ANKRD22: variants seen among roughly 807,000 people sequenced by gnomAD.
ANKRD22 encodes ankyrin repeat domain-containing protein 22.
In ANKRD22, 24 loss-of-function variants were observed where a neutral mutation model predicts 25.7. The observed-to-expected ratio is 0.93, with a 90% CI of 0.68 to 1.31. The LOEUF is 1.31. ANKRD22 is among the 50% of genes most tolerant of loss of function. The pLI is 0.00. For synonymous variants in ANKRD22, 84 were observed against 84.3 expected, an observed-to-expected ratio of 1.00 and a Z score of 0.02; for missense variants, 214 against 227.1, an observed-to-expected ratio of 0.94 and a Z score of 0.37.
At chr10:88,842,025 G>A (rs1038576708) in intron 1 of ANKRD22, among the ~76,000 whole-genome samples, 5 of 152,068 alleles carry the variant, frequency 3.3e-5, no homozygotes, top group East Asian at 1.9e-4. Flanking sequence ...TATTCTTAAC[G>A]TAGAAGACAG....
intron 1 of ANKRD22, among the ~76,000 whole-genome samples, chr10:88,840,538 G>C (rs1462262842): frequency 6.6e-6 from 1 of 152,090 alleles, no homozygotes; most frequent in Non-Finnish European, 1.5e-5. Flanking sequence ...AGACTGTGTA[G>C]AACTTTGCCT....
intron 4 of ANKRD22, 74 bp from the exon 5 acceptor site, chr10:88,823,452 C>A: frequency 9.3e-7 from 1 of 1,076,274 alleles, no homozygotes; most frequent in Non-Finnish European, 1.4e-6. Context: ...GCTTCATTGG[C>A]AAATCCTTTT....
Position 88,851,591 on chromosome 10 carries a change from G to A in ANKRD22, c.17C>T (p.Ser6Phe), listed in dbSNP as rs1844105274. ...GCTTTCAGAAAGGTGATGTACCTCAGAGTATAGGATTCCCATGCTGGTCCT... is the reference window on the plus strand; with the variant it reads ...GCTTTCAGAAAGGTGATGTACCTCAAAGTATAGGATTCCCATGCTGGTCCT... MGILY[S>F]EPICQAAYQN... The change falls in exon 1 of 6, where the codon TCT becomes TTT. Residue 6 changes from serine to phenylalanine, a missense_variant. Transcript: ENST00000371930. 1 of 1,613,320 alleles carries A rather than the reference G, an allele frequency of 6.2e-7. No individual in the cohort carries two copies. The highest frequency in any genetic ancestry group is 2.2e-5 in the East Asian group (1 of 44,880).
Position 88,820,407 on chromosome 10 carries a change from T to A in ANKRD22, c.*2534A>T. On this transcript the variant is annotated 3_prime_UTR_variant, in exon 6 of 6. Coordinates refer to ENST00000371930, the MANE Select transcript of ANKRD22 (RefSeq NM_144590.3). ...GCTCACGTGGATTTCATCTGGGGTT[T>A]GGATGCTCCTCACCGTATGTACAAT... 6.4e-7 allele frequency: 1 copy of A among 1,552,184 alleles called. No individual in the cohort carries two copies. Among genetic ancestry groups the A allele is most frequent in the Non-Finnish European group, 8.7e-7 (1 of 1,147,034 alleles).
rs79585556 is a variant in ANKRD22 at position 88,829,484 on chromosome 10, T to G, written c.214-818A>C. 0.016 allele frequency among the ~76,000 whole-genome samples: 2,426 copies of G among 152,364 alleles called. 104 individuals are homozygous for G. In the East Asian group the frequency reaches 0.17, roughly 11 times the overall value. ...TAGAATTTTAAATTGCCCATTATTA[T>G]ATTAAATGGTCCAGAGTTAACTGTT... On this transcript the variant is annotated intron_variant, in intron 2 of 5. Transcript: ENST00000371930.
At chr10:88,827,171 C>T (rs1843863044) in intron 3 of ANKRD22, among the ~76,000 whole-genome samples, 1 of 152,136 alleles carries the variant, frequency 6.6e-6, no homozygotes, top group Non-Finnish European at 1.5e-5. Context: ...CCTTAGGCTT[C>T]CCTCTTGTGT....
intron 2 of ANKRD22, among the ~76,000 whole-genome samples, chr10:88,829,267 G>A (rs564010336): frequency 6.6e-6 from 1 of 152,270 alleles, no homozygotes; most frequent in South Asian, 2.1e-4. Context: ...TAAATATAAG[G>A]CAAAACAGAA....
rs1272942256 is a variant in ANKRD22 at position 88,822,969 on chromosome 10, A to G, written c.548T>C (p.Ile183Thr). Residue 183 changes from isoleucine (I) to threonine (T), a missense_variant, in exon 6 of 6, where the codon ATT (isoleucine) becomes ACT (threonine). Physicochemically the swap from Ile to Thr is moderately conservative, Grantham distance 89. Transcript: ENST00000371930. ...DIARRLKFSQIELMLRKAL is the reference protein window; with the variant it reads ...DIARRLKFSQTELMLRKAL ...CAATGCTTTCCTTAGCATTAATTCAATCTGGGAAAATTTTAATCTCCGTGC... is the reference window on the plus strand; with the variant it reads ...CAATGCTTTCCTTAGCATTAATTCAGTCTGGGAAAATTTTAATCTCCGTGC... 1 of 1,613,446 alleles carries G rather than the reference A, an allele frequency of 6.2e-7. No individual in the cohort carries two copies. Among genetic ancestry groups the G allele is most frequent in the Non-Finnish European group, 8.5e-7 (1 of 1,179,420 alleles).
At position 88,822,191 on chromosome 10, in the gene ANKRD22, AC is replaced by A. The variant is rs1233876587; in HGVS notation, c.*749del. Reference sequence around the variant, plus strand: ...TTTATGGAAAGTAAAAAACAAAAAAACAAAAACAAACTCTGATTTGTCAATT... The same window carrying A: ...TTTATGGAAAGTAAAAAACAAAAAAAAAAAACAAACTCTGATTTGTCAATT... On this transcript the variant is annotated 3_prime_UTR_variant, in exon 6 of 6. Transcript: ENST00000371930. 4 of 152,218 alleles carry A rather than the reference AC, an allele frequency of 2.6e-5. No homozygotes were observed. The highest frequency in any genetic ancestry group is 5.9e-5 in the Non-Finnish European group (4 of 68,050). 9.4% of individuals were successfully genotyped at this position (152,218 alleles called of 1,614,324 possible).
intron 3 of ANKRD22, among the ~76,000 whole-genome samples, chr10:88,826,417 T>C (rs906528459): frequency 1.3e-5 from 2 of 152,204 alleles, no homozygotes; most frequent in Admixed American, 6.5e-5. Flanking sequence ...TGTCTTTCCC[T>C]TCCTGGCTCA....
In ANKRD22 at chr10:88,848,172, G is replaced by GTATATATATATA. The variant is rs1395491199; in HGVS notation, c.21+3414_21+3415insTATATATATATA. ...CGTGTATATATATATATGTATATAT[G>GTATATATATATA]TGTATATATATATGTATATATGTAT... On this transcript the variant is annotated intron_variant, in intron 1 of 5. Coordinates refer to ENST00000371930, the MANE Select transcript of ANKRD22 (RefSeq NM_144590.3). 1.4e-3 allele frequency among the ~76,000 whole-genome samples: 188 copies of GTATATATATATA among 130,254 alleles called. 1 individual carries two copies. Among genetic ancestry groups the GTATATATATATA allele is most frequent in the Middle Eastern group, 3.9e-3 (1 of 254 alleles). 85.5% of individuals were successfully genotyped at this position (130,254 alleles called of 152,430 possible). A position where few individuals can be genotyped will look rare whatever the true frequency, so the allele number is the denominator to read the frequency against.
At chr10:88,838,659 A>C (rs898001785) in intron 1 of ANKRD22, among the ~76,000 whole-genome samples, 3 of 152,270 alleles carry the variant, frequency 2.0e-5, no homozygotes, top group Admixed American at 2.0e-4. Flanking sequence ...GACAGAAAGA[A>C]AGGGGAACTT....
intron 1 of ANKRD22, among the ~76,000 whole-genome samples, chr10:88,845,331 C>T (rs1244078847): frequency 6.6e-6 from 1 of 152,068 alleles, no homozygotes; most frequent in Non-Finnish European, 1.5e-5. Flanking sequence ...GTATCCTTTG[C>T]TATCTCTACA....
In ANKRD22 at chr10:88,822,133, C is replaced by T. The variant is rs895063670; in HGVS notation, c.*808G>A. ...AACCAAGATGGCTTTTATTTGTAAA[C>T]CGAAATCTCTAGTGGTATGCTGGTA... On this transcript the variant is annotated 3_prime_UTR_variant, in exon 6 of 6. Coordinates refer to ENST00000371930, the MANE Select transcript of ANKRD22 (RefSeq NM_144590.3). 4 of 152,038 alleles carry T rather than the reference C, an allele frequency of 2.6e-5. No individual in the cohort carries two copies. Among genetic ancestry groups the T allele is most frequent in the African/African-American group, 9.7e-5 (4 of 41,390 alleles). The allele number at this position is 152,038 out of a possible 1,614,324, so 9.4% of individuals were successfully genotyped here.
chr10:88,829,805 C>A (rs1205207858), intron 2 of ANKRD22, among the ~76,000 whole-genome samples: 1 of 152,150 alleles, frequency 6.6e-6, no homozygotes, highest in East Asian at 1.9e-4. Flanking sequence ...GAGACAGGAT[C>A]TTGCTTTGCC....
intron 1 of ANKRD22, among the ~76,000 whole-genome samples, chr10:88,844,422 T>G (rs1844029768): frequency 6.6e-6 from 1 of 152,142 alleles, no homozygotes; most frequent in African/African-American, 2.4e-5. Context: ...CCCAGTTAAT[T>G]AGTATGTAAA....
chr10:88,848,210 A>G (rs1444025013), intron 1 of ANKRD22, among the ~76,000 whole-genome samples: 2 of 148,422 alleles, frequency 1.3e-5, no homozygotes, highest in Non-Finnish European at 3.0e-5. Context: ...ATACATATAT[A>G]TATACATATA....
rs754062945 is a variant in ANKRD22 at position 88,823,375 on chromosome 10, C to T, written c.403G>A (p.Gly135Ser). 3.7e-6 allele frequency: 6 copies of T among 1,613,212 alleles called. No homozygotes were observed. The highest frequency in any genetic ancestry group is 1.3e-5 in the African/African-American group (1 of 74,848). Residue 135 changes from glycine (G) to serine (S), a missense_variant, in exon 5 of 6, where the codon GGC (glycine) becomes AGC (serine). Gly to Ser is a moderately conservative substitution (Grantham distance 56). Transcript: ENST00000371930. ...GVEVNATDCY[G>S]CTALHYACEM... The stretch of plus-strand genomic sequence containing the variant: ...CAGGCATAATGTAATGCGGTACAGC[C>T]ATACTGAAACACAAAGGGCCAAAAC...
At position 88,828,542 on chromosome 10, in the gene ANKRD22, A is replaced by G. The variant is rs368957579; in HGVS notation, c.321+17T>C. The G allele has an allele frequency of 2.3e-5, 35 of 1,550,030 alleles. No homozygotes were observed. In the Admixed American group the frequency reaches 2.9e-4, roughly 13 times the overall value. Reference sequence around the variant, plus strand: ...GATCTCCACATTTGCCCTTTGCTCTACAAGTGTTGTACTCACCATGAGGAA... The same window carrying G: ...GATCTCCACATTTGCCCTTTGCTCTGCAAGTGTTGTACTCACCATGAGGAA... On this transcript the variant is annotated intron_variant, in intron 3 of 5. Coordinates refer to ENST00000371930, the MANE Select transcript of ANKRD22 (RefSeq NM_144590.3).
Sources: gnomAD v4.1 joint callset for allele counts (sites outside exome capture counted in the v4.1 genomes callset) on GRCh38, gnomAD v4.1.1 for gene constraint, MANE v1.5 for transcripts, NCBI Gene and HGNC (gene_info 2026-07-23, HGNC 2026-07-21) for gene names.